Variants in TSHZ3 observed in about 807,000 individuals in gnomAD.
TSHZ3 encodes the protein teashirt homolog 3.
In TSHZ3, 10 loss-of-function variants were observed where a neutral mutation model predicts 64.5. That is an observed-to-expected ratio of 0.16 (90% confidence interval 0.10 to 0.26). The LOEUF (loss-of-function observed/expected upper bound fraction) is 0.26. Ranked by LOEUF, TSHZ3 falls within the 10% of genes least tolerant of loss-of-function variation. TSHZ3 has a pLI of 1.00. For missense variants in TSHZ3, 1,242 were observed against 1,421.7 expected (o/e 0.87, Z 2.03); for synonymous variants, 608 against 593.1 (o/e 1.03, Z -0.36).
At chr19:31,180,229 GTGAA>G (rs753937957) in intron 5 of TSHZ3, among the ~76,000 whole-genome samples, 6 of 152,108 alleles carry the variant, frequency 3.9e-5, no homozygotes, top group African/African-American at 7.2e-5. Flanking sequence ...TGATTAGTGA[GTGAA>G]TGAATGAATG....
chr19:31,226,027 T>C (rs981024136), intron 4 of TSHZ3, among the ~76,000 whole-genome samples: 1 of 151,600 alleles, frequency 6.6e-6, no homozygotes, highest in African/African-American at 2.4e-5. Flanking sequence ...CTTGGGAAGC[T>C]GAGGCAGGAG....
intron 5 of TSHZ3, among the ~76,000 whole-genome samples, chr19:31,169,457 G>T (rs574564417): frequency 3.4e-4 from 52 of 152,268 alleles, no homozygotes; most frequent in Non-Finnish European, 1.8e-4. Context: ...TGAGAAGAAG[G>T]GGGAATGGAG....
chr19:31,329,728 T>G (rs1359540276), intron 1 of TSHZ3, among the ~76,000 whole-genome samples: 2 of 151,976 alleles, frequency 1.3e-5, no homozygotes, highest in Non-Finnish European at 2.9e-5. Flanking sequence ...GGAGTGGGGG[T>G]GTTTGTGGAG....
chr19:31,233,555 T>C lies in TSHZ3; in HGVS notation n.551-5415A>G, dbSNP rs1363083002. 2.6e-5 allele frequency among the ~76,000 whole-genome samples: 4 copies of C among 152,324 alleles called. No individual in the cohort carries two copies. In the East Asian group the frequency reaches 7.7e-4, roughly 29 times the overall value. ...TGTGGTTTGTTATGTCTTTTTCTTG[T>C]CAATGTCTTCGGCAGGGCAAGCAAT... On this transcript the variant is annotated intron_variant and non_coding_transcript_variant, in intron 3 of 6. Coordinates refer to the TSHZ3 transcript ENST00000651361.
chr19:31,207,944 T>C (rs1240508830), intron 4 of TSHZ3, among the ~76,000 whole-genome samples: 1 of 152,212 alleles, frequency 6.6e-6, no homozygotes, highest in Non-Finnish European at 1.5e-5. Flanking sequence ...AATGGACCTG[T>C]GTGTTACCCA....
At chr19:31,325,117 T>C (rs1428665729) in intron 1 of TSHZ3, among the ~76,000 whole-genome samples, 1 of 152,228 alleles carries the variant, frequency 6.6e-6, no homozygotes, top group Non-Finnish European at 1.5e-5. Flanking sequence ...ACATAGGTAG[T>C]ATACGGGCAC....
intron 4 of TSHZ3, among the ~76,000 whole-genome samples, chr19:31,209,050 C>A (rs1016873514): frequency 2.0e-5 from 3 of 152,074 alleles, no homozygotes; most frequent in Non-Finnish European, 4.4e-5. Flanking sequence ...TCAAGAATGA[C>A]CCCAGTTTGC....
downstream of TSHZ3, among the ~76,000 whole-genome samples, chr19:31,274,727 G>A (rs1360824532): frequency 2.0e-5 from 3 of 151,690 alleles, no homozygotes; most frequent in Non-Finnish European, 4.4e-5. Context: ...GTTTATTCTC[G>A]GTGCAGATCC....
intron 1 of TSHZ3, chr19:31,308,632 G>A: frequency 2.5e-6 from 1 of 398,526 alleles, no homozygotes; most frequent in Non-Finnish European, 4.4e-6. Flanking sequence ...AGGTACACAG[G>A]GGTAGTGTGA....
At chr19:31,285,780 T>TAA (rs1250166308) in intron 1 of TSHZ3, among the ~76,000 whole-genome samples, 1 of 21,322 alleles carries the variant, frequency 4.7e-5, no homozygotes, top group Admixed American at 9.5e-4. Context: ...AGCCACTGTC[T>TAA]CAAAAAAAAA....
intron 5 of TSHZ3, among the ~76,000 whole-genome samples, chr19:31,180,041 G>A (rs539155768): frequency 1.3e-5 from 2 of 152,240 alleles, no homozygotes; most frequent in South Asian, 4.1e-4. Context: ...TGAAAACACA[G>A]GAATTGGTAA....
In TSHZ3 at chr19:31,260,131, G is replaced by A. The variant is rs556933179; in HGVS notation, n.64-17256C>T. Among the ~76,000 whole-genome samples the A allele has an allele frequency of 6.1e-4, 93 of 152,252 alleles. No homozygotes were observed. The South Asian group carries it at 0.017, about 28-fold the overall frequency. The stretch of plus-strand genomic sequence containing the variant: ...GCCTCAGCCCTGAGCCATCTCCAGG[G>A]CCCAGCTCAGGACCTGGGGTCTGCA... On this transcript the variant is annotated intron_variant and non_coding_transcript_variant, in intron 1 of 6. Coordinates refer to the TSHZ3 transcript ENST00000651361.
chr19:31,201,029 TAAAA>T (rs927612558), intron 5 of TSHZ3, among the ~76,000 whole-genome samples: 1 of 152,038 alleles, frequency 6.6e-6, no homozygotes, highest in African/African-American at 2.4e-5. Context: ...ACAAATCAGT[TAAAA>T]AGAAGAAAAT....
At chr19:31,235,691 CTCT>C (rs1251077218) in intron 3 of TSHZ3, among the ~76,000 whole-genome samples, 8 of 101,182 alleles carry the variant, frequency 7.9e-5, no homozygotes, top group Non-Finnish European at 1.2e-4. Context: ...CTTTCTTCTC[CTCT>C]TCTTCTTTTT....
intron 4 of TSHZ3, among the ~76,000 whole-genome samples, chr19:31,224,359 G>A (rs541687327): frequency 6.6e-6 from 1 of 152,292 alleles, no homozygotes; most frequent in East Asian, 1.9e-4. Context: ...ATGTCTAGAT[G>A]GTTGTAATTC....
At chr19:31,314,308 T>C (rs935332777) in intron 1 of TSHZ3, among the ~76,000 whole-genome samples, 8 of 152,246 alleles carry the variant, frequency 5.3e-5, no homozygotes, top group African/African-American at 1.7e-4. Context: ...TCCAGAGCCA[T>C]GGGAGAGAGA....
chr19:31,350,834 C>A (rs1305378492), upstream of TSHZ3, among the ~76,000 whole-genome samples: 3 of 147,498 alleles, frequency 2.0e-5, no homozygotes, highest in African/African-American at 7.3e-5. Flanking sequence ...CGATGCGCTG[C>A]GGGCTCGATT....
chr19:31,286,066 T>C (rs976977545), intron 1 of TSHZ3, among the ~76,000 whole-genome samples: 1 of 152,108 alleles, frequency 6.6e-6, no homozygotes, highest in Non-Finnish European at 1.5e-5. Context: ...GTCCCTCCAT[T>C]GAAAGAGTCT....
chr19:31,312,250 C>T (rs1404021732), intron 1 of TSHZ3, among the ~76,000 whole-genome samples: 1 of 152,202 alleles, frequency 6.6e-6, no homozygotes, highest in Admixed American at 6.5e-5. Flanking sequence ...CAGATGCTGG[C>T]TTAGGTCAGA....
Sources: gnomAD v4.1 joint callset for allele counts (sites outside exome capture counted in the v4.1 genomes callset) on GRCh38, gnomAD v4.1.1 for gene constraint, MANE v1.5 for transcripts, NCBI Gene and HGNC (gene_info 2026-07-23, HGNC 2026-07-21) for gene names.